Variants in KIAA1671 observed in about 807,000 individuals in gnomAD.
The protein encoded by KIAA1671 is uncharacterized protein KIAA1671.
Under a neutral mutation model 131.2 loss-of-function variants are expected in KIAA1671, and 52 were observed. The ratio of observed to expected loss-of-function variants is 0.40; its 90% CI spans 0.32 to 0.50. The LOEUF (loss-of-function observed/expected upper bound fraction) is 0.50, where lower values mean the gene tolerates loss of function less well. KIAA1671 is among the 20% of genes least tolerant of loss of function. The pLI, the probability that KIAA1671 is intolerant of heterozygous loss-of-function variation, is 0.73. For synonymous variants in KIAA1671, 1,003 were observed against 961.6 expected, an observed-to-expected ratio of 1.04 and a Z score of -0.80; for missense variants, 2,360 against 2,364.2, an observed-to-expected ratio of 1.00 and a Z score of 0.04.
At chr22:25,142,060 A>T (rs554864755) in intron 6 of KIAA1671, among the ~76,000 whole-genome samples, 1 of 152,176 alleles carries the variant, frequency 6.6e-6, no homozygotes, top group Non-Finnish European at 1.5e-5. Context: ...CACCACCAAA[A>T]TGGTTGCTTG....
intron 1 of KIAA1671, chr22:25,011,123 C>T (rs184626192): frequency 8.6e-5 from 13 of 151,744 alleles, no homozygotes; most frequent in African/African-American, 2.4e-4. Context: ...ATTATAGGCA[C>T]CTGCCACCAT....
chr22:25,179,403 G>A lies in KIAA1671; in HGVS notation c.5074+1881G>A, dbSNP rs113619591. ...CCGCTCGCGCAGTGCGGCCAGGTGC[G>A]CCTCGCGGATCTCCTTGCTGAGCTC... On this transcript the variant is annotated intron_variant, in intron 9 of 12. Transcript: ENST00000358431. The A allele has an allele frequency of 6.6e-3, 10,622 of 1,611,344 alleles. 602 individuals carry two copies. In the African/African-American group the frequency reaches 0.12, roughly 19 times the overall value.
chr22:24,965,101 T>TAA (rs3063196), intron 1 of KIAA1671, among the ~76,000 whole-genome samples: 5 of 140,820 alleles, frequency 3.6e-5, no homozygotes, highest in Non-Finnish European at 3.1e-5. Flanking sequence ...AGTAGGCTCT[T>TAA]AAAAAAAAAA....
intron 6 of KIAA1671, among the ~76,000 whole-genome samples, chr22:25,110,320 A>C (rs764028135): frequency 2.3e-4 from 35 of 152,330 alleles, no homozygotes; most frequent in Middle Eastern, 3.4e-3. Context: ...GGTGGTGGAA[A>C]GGACATAGGA....
chr22:24,955,095 T>C (rs1251536564), intron 1 of KIAA1671, among the ~76,000 whole-genome samples: 1 of 152,214 alleles, frequency 6.6e-6, no homozygotes, highest in African/African-American at 2.4e-5. Context: ...CTGTTTTTTA[T>C]TGAAGGCTGA....
chr22:25,065,564 A>C (rs1928423682), intron 6 of KIAA1671, among the ~76,000 whole-genome samples: 1 of 152,206 alleles, frequency 6.6e-6, no homozygotes, highest in African/African-American at 2.4e-5. Context: ...CCCCCAAAAA[A>C]GAAAAACAAC....
intron 1 of KIAA1671, among the ~76,000 whole-genome samples, chr22:24,969,217 A>G (rs933106587): frequency 6.6e-6 from 1 of 152,128 alleles, no homozygotes; most frequent in Admixed American, 6.5e-5. Flanking sequence ...TTGTTGTTGA[A>G]CATTTCAAAA....
At chr22:24,990,688 G>T (rs1419874191) in intron 1 of KIAA1671, among the ~76,000 whole-genome samples, 1 of 152,250 alleles carries the variant, frequency 6.6e-6, no homozygotes, top group Non-Finnish European at 1.5e-5. Flanking sequence ...TCCTGGCCTT[G>T]CCCTTCCTTG....
At chr22:25,133,497 G>A (rs766408312) in intron 6 of KIAA1671, among the ~76,000 whole-genome samples, 8 of 152,120 alleles carry the variant, frequency 5.3e-5, no homozygotes, top group Admixed American at 6.5e-5. Flanking sequence ...TCTGTTCTTC[G>A]AATTGTCTTT....
intron 5 of KIAA1671, 35 bp from the exon 6 acceptor site, chr22:25,049,195 C>T: frequency 6.5e-7 from 1 of 1,536,564 alleles, no homozygotes; most frequent in South Asian, 1.2e-5. Context: ...GAGAAGGCTC[C>T]CAGTAAAGTC....
At chr22:25,179,738 A>G (rs1263326563) in intron 9 of KIAA1671, among the ~76,000 whole-genome samples, 1 of 152,252 alleles carries the variant, frequency 6.6e-6, no homozygotes, top group Non-Finnish European at 1.5e-5. Context: ...ATAGCTTAAT[A>G]AGGTTTTACT....
chr22:25,005,841 G>T (rs1363463341), intron 1 of KIAA1671, among the ~76,000 whole-genome samples: 1 of 152,112 alleles, frequency 6.6e-6, no homozygotes, highest in Non-Finnish European at 1.5e-5. Flanking sequence ...TTGTGTGCTA[G>T]CTCTGCCTTT....
At chr22:25,170,149 G>A (rs1331999475) in intron 6 of KIAA1671, among the ~76,000 whole-genome samples, 5 of 152,074 alleles carry the variant, frequency 3.3e-5, no homozygotes, top group East Asian at 1.9e-4. Context: ...TCCTGACCTC[G>A]TGATCCGCCC....
At chr22:24,975,410 C>T (rs1922862291) in intron 1 of KIAA1671, among the ~76,000 whole-genome samples, 1 of 151,846 alleles carries the variant, frequency 6.6e-6, no homozygotes, top group Admixed American at 6.6e-5. Context: ...CTTCGACCTC[C>T]TGGGCTCAAG....
At chr22:24,972,642 C>T (rs1298386383) in intron 1 of KIAA1671, among the ~76,000 whole-genome samples, 3 of 147,836 alleles carry the variant, frequency 2.0e-5, no homozygotes, top group South Asian at 2.3e-4. Flanking sequence ...CTTTCTTTCC[C>T]TCCCTCCTTC....
At chr22:25,083,077 A>G (rs890853777) in intron 6 of KIAA1671, among the ~76,000 whole-genome samples, 1 of 152,190 alleles carries the variant, frequency 6.6e-6, no homozygotes, top group Non-Finnish European at 1.5e-5. Flanking sequence ...CAGGGCTGCC[A>G]TATTAAAAAA....
At chr22:24,980,270 A>ATT (rs59392276) in intron 1 of KIAA1671, among the ~76,000 whole-genome samples, 3,530 of 119,174 alleles carry the variant, frequency 0.03, 146 homozygotes, top group African/African-American at 0.072. Flanking sequence ...AGTTTCTTTG[A>ATT]TTTTTTTTTT....
chr22:25,144,580 T>G (rs899383383), intron 6 of KIAA1671, among the ~76,000 whole-genome samples: 4 of 152,212 alleles, frequency 2.6e-5, no homozygotes, highest in Non-Finnish European at 5.9e-5. Flanking sequence ...TGGAATACCC[T>G]TCGGAGTCTC....
rs1926146974 is a variant in KIAA1671 at position 25,029,422 on chromosome 22, G to A, written c.1423G>A (p.Gly475Arg). 6.4e-7 allele frequency: 1 copy of A among 1,551,338 alleles called. No individual in the cohort carries two copies. The highest frequency in any genetic ancestry group is 1.4e-5 in the African/African-American group (1 of 73,064). Residue 475 changes from glycine (G) to arginine (R), a missense_variant, in exon 3 of 13, where the codon GGG (glycine) becomes AGG (arginine). This residue lies in a region of KIAA1671 where 1,185 missense variants were observed against 1,126.2 expected (regional missense o/e 1.05). Transcript: ENST00000358431. ...ATCGGCGGCACCAGAGCCGGAGAAAGGGGTTGTGAGCGTTCAGGAACGGAT... is the reference window on the plus strand; with the variant it reads ...ATCGGCGGCACCAGAGCCGGAGAAAAGGGTTGTGAGCGTTCAGGAACGGAT... ...SPSAAPEPEKGVVSVQERIRG... is the reference protein window; with the variant it reads ...SPSAAPEPEKRVVSVQERIRG...
Sources: gnomAD v4.1 joint callset for allele counts (sites outside exome capture counted in the v4.1 genomes callset) on GRCh38, gnomAD v4.1.1 for gene constraint, gnomAD v4.1.1 regional missense constraint, MANE v1.5 for transcripts, NCBI Gene and HGNC (gene_info 2026-07-23, HGNC 2026-07-21) for gene names.